USP34: variants seen among roughly 807,000 people sequenced by gnomAD.
USP34 encodes ubiquitin carboxyl-terminal hydrolase 34.
In USP34, 70 loss-of-function variants were observed where a neutral mutation model predicts 460.3. The observed-to-expected ratio is 0.15, with a 90% CI of 0.13 to 0.19. USP34 has a LOEUF of 0.19. Among genes scored for constraint, USP34 ranks in the 10% least tolerant of loss-of-function variants. USP34 has a pLI of 1.00. For synonymous variants in USP34, 1,647 were observed against 1,405.3 expected (o/e 1.17, Z -3.85); for missense variants, 3,985 against 4,236.2 (o/e 0.94, Z 1.65).
intron 1 of USP34, among the ~76,000 whole-genome samples, chr2:61,469,594 ATACCATGG>A (rs1695887140): frequency 6.6e-6 from 1 of 152,238 alleles, no homozygotes; most frequent in Admixed American, 6.5e-5. Flanking sequence ...TCAAACACAA[ATACCATGG>A]TACATTTTAT....
At chr2:61,448,505 C>A (rs1214576528) in intron 1 of USP34, among the ~76,000 whole-genome samples, 1 of 152,196 alleles carries the variant, frequency 6.6e-6, no homozygotes, top group Admixed American at 6.5e-5. Context: ...AACTCTTTGA[C>A]AGGCTCTCTG....
intron 48 of USP34, among the ~76,000 whole-genome samples, chr2:61,249,392 C>T (rs1204239357): frequency 6.6e-6 from 1 of 152,210 alleles, no homozygotes; most frequent in East Asian, 1.9e-4. Flanking sequence ...GTTTACATCC[C>T]AGGTGGGGAC....
chr2:61,470,747 A>G lies in USP34; in HGVS notation c.-55T>C. 1 of 1,383,570 alleles carries G rather than the reference A, an allele frequency of 7.2e-7. No homozygotes were observed. Among genetic ancestry groups the G allele is most frequent in the Non-Finnish European group, 9.7e-7 (1 of 1,027,752 alleles). 85.7% of individuals were successfully genotyped at this position (1,383,570 alleles called of 1,614,324 possible). On this transcript the variant is annotated 5_prime_UTR_variant, in exon 1 of 80. Coordinates refer to ENST00000398571, the MANE Select transcript of USP34 (RefSeq NM_014709.4). ...CTTCGGATCACACTGACTGATCCCG[A>G]CCGGCGGGGGGGAGGGGAGAGAGGC...
At chr2:61,447,165 G>A (rs1225632827) in intron 1 of USP34, among the ~76,000 whole-genome samples, 1 of 133,510 alleles carries the variant, frequency 7.5e-6, no homozygotes, top group African/African-American at 2.8e-5. Context: ...TGAGGCACCC[G>A]AATCATTTGA....
At position 61,214,503 on chromosome 2, in the gene USP34, G is replaced by T; in HGVS notation, c.8239C>A (p.His2747Asn). The change falls in exon 68 of 80, where the codon CAT (histidine) becomes AAT (asparagine). Residue 2747 changes from histidine (H) to asparagine (N), a missense_variant. Around this residue, in one of 14 missense-constraint regions of USP34, gnomAD observed 604 missense variants for 684.8 expected, o/e 0.88. Coordinates refer to ENST00000398571, the MANE Select transcript of USP34 (RefSeq NM_014709.4). ...TAGGGCACTAGCTTTGTAGTGCCATGAACAGCAGCATCAACATAAAGTTTG... is the reference window on the plus strand; with the variant it reads ...TAGGGCACTAGCTTTGTAGTGCCATTAACAGCAGCATCAACATAAAGTTTG... ...RAKLYVDAAV[H>N]GTTKLVPYFS... is the part of the protein sequence containing the mutation. 6.2e-7 allele frequency: 1 copy of T among 1,613,664 alleles called. No individual in the cohort carries two copies.
intron 20 of USP34, among the ~76,000 whole-genome samples, chr2:61,330,265 G>A (rs574311058): frequency 6.6e-6 from 1 of 152,178 alleles, no homozygotes; most frequent in South Asian, 2.1e-4. Context: ...TCTTAAAATA[G>A]TTGATATCTG....
chr2:61,363,026 C>G (rs566765119), intron 10 of USP34, among the ~76,000 whole-genome samples: 2 of 151,982 alleles, frequency 1.3e-5, no homozygotes, highest in African/African-American at 4.8e-5. Flanking sequence ...CAAACAAAAC[C>G]CAATCAAAAA....
intron 2 of USP34, among the ~76,000 whole-genome samples, chr2:61,413,415 A>G (rs1694101863): frequency 6.7e-6 from 1 of 149,484 alleles, no homozygotes; most frequent in South Asian, 2.1e-4. Flanking sequence ...AAAAAATAAA[A>G]AAACAAAAGA....
chr2:61,369,642 C>CAAAA (rs57947331), intron 10 of USP34, among the ~76,000 whole-genome samples: 81 of 43,388 alleles, frequency 1.9e-3, no homozygotes, highest in East Asian at 2.8e-3. Flanking sequence ...GATTCCGTCT[C>CAAAA]AAAAAAAAAA....
intron 1 of USP34, among the ~76,000 whole-genome samples, chr2:61,470,121 G>A (rs913643270): frequency 6.6e-6 from 1 of 152,194 alleles, no homozygotes; most frequent in Admixed American, 6.5e-5. Context: ...GCTATTTAAG[G>A]TCTGGCTGAA....
intron 33 of USP34, among the ~76,000 whole-genome samples, chr2:61,290,430 C>G (rs1007687846): frequency 6.6e-6 from 1 of 152,024 alleles, no homozygotes; most frequent in Non-Finnish European, 1.5e-5. Flanking sequence ...AACTGTAAGC[C>G]ACTCAAATGT....
intron 49 of USP34, among the ~76,000 whole-genome samples, 172 bp from the exon 50 acceptor site, chr2:61,246,649 A>T (rs915814625): frequency 1.3e-5 from 2 of 152,134 alleles, no homozygotes; most frequent in African/African-American, 4.8e-5. Context: ...AATAAACTTT[A>T]TTTACAGAAA....
intron 75 of USP34, among the ~76,000 whole-genome samples, chr2:61,197,842 C>T (rs1033962391): frequency 6.6e-5 from 10 of 152,216 alleles, no homozygotes; most frequent in African/African-American, 2.4e-4. Context: ...TCACTGCAAC[C>T]TCCACCTCCC....
rs1456109463 is a variant in USP34, at chr2:61,190,138, G to GT, written c.9873+132dup. On this transcript the variant is annotated intron_variant, in intron 78 of 79. Transcript: ENST00000398571. ...CATAGTAAACGTGTATTTAAAACTT[G>GT]TTTTTTTGTCGCACATGGCTTAAGA... is the stretch of plus-strand genomic sequence containing the variant. 3.4e-5 allele frequency: 44 copies of GT among 1,292,804 alleles called. 1 individual carries two copies. In the South Asian group the frequency reaches 5.7e-4, roughly 17 times the overall value. The allele number at this position is 1,292,804 out of a possible 1,614,324, so 80.1% of individuals were successfully genotyped here. A position where few individuals can be genotyped will look rare whatever the true frequency, so the allele number is the denominator to read the frequency against.
chr2:61,378,484 A>G, intron 7 of USP34, 60 bp from the exon 8 acceptor site: 1 of 1,058,626 alleles, frequency 9.4e-7, no homozygotes, highest in Non-Finnish European at 1.4e-6. Context: ...TGCATTTGTC[A>G]GCAAATACTA....
In USP34 at chr2:61,333,867, C is replaced by T. The variant is rs757114318; in HGVS notation, c.2834+15G>A. On this transcript the variant is annotated intron_variant, in intron 19 of 79. Coordinates refer to ENST00000398571, the MANE Select transcript of USP34 (RefSeq NM_014709.4). Reference sequence around the variant, plus strand: ...AAATCTTTAAAATAAATACTTTTTTCTTTTATTTACTTACATTGTTATCCA... The same window carrying T: ...AAATCTTTAAAATAAATACTTTTTTTTTTTATTTACTTACATTGTTATCCA... The T allele has an allele frequency of 1.4e-6, 2 of 1,462,068 alleles. No individual in the cohort carries two copies. Among genetic ancestry groups the T allele is most frequent in the Non-Finnish European group, 9.1e-7 (1 of 1,094,068 alleles). The allele number at this position is 1,462,068 out of a possible 1,614,324, so 90.6% of individuals were successfully genotyped here.
intron 7 of USP34, among the ~76,000 whole-genome samples, chr2:61,378,913 G>GGAA (rs1692879294): frequency 3.5e-5 from 2 of 57,874 alleles, no homozygotes; most frequent in Non-Finnish European, 5.7e-5. Context: ...TCAAAAAAAC[G>GGAA]AAAAAAAAAA....
chr2:61,295,330 A>G, intron 30 of USP34, 40 bp from the exon 31 acceptor site: 3 of 1,547,620 alleles, frequency 1.9e-6, no homozygotes, highest in Non-Finnish European at 2.6e-6. Context: ...CAACTTACTC[A>G]GGGAACACAA....
chr2:61,403,763 G>A (rs953729252), intron 3 of USP34, among the ~76,000 whole-genome samples: 3 of 151,886 alleles, frequency 2.0e-5, no homozygotes, highest in African/African-American at 4.8e-5. Context: ...AGAAGCGGGC[G>A]GATCACAAGG....
Sources: allele counts gnomAD v4.1 joint callset (sites outside exome capture counted in the v4.1 genomes callset), GRCh38; gene constraint gnomAD v4.1.1; regional missense constraint gnomAD v4.1.1; transcripts MANE v1.5; gene names NCBI Gene and HGNC (gene_info 2026-07-23, HGNC 2026-07-21).